Variants in TRAPPC12 observed in about 807,000 individuals in gnomAD.
The protein encoded by TRAPPC12 is trafficking protein particle complex subunit 12.
TRAPPC12 carries 61 observed loss-of-function variants against 69.2 expected under a neutral mutation model. That is an observed-to-expected ratio of 0.88 (90% confidence interval 0.72 to 1.09). TRAPPC12 has a LOEUF of 1.09. TRAPPC12 is among the 50% of genes least tolerant of loss of function. TRAPPC12 has a pLI of 0.00. For missense variants in TRAPPC12, 1,101 were observed against 1,016.4 expected (o/e 1.08, Z -1.13); for synonymous variants, 469 against 438.9 (o/e 1.07, Z -0.86).
intron 9 of TRAPPC12, among the ~76,000 whole-genome samples, chr2:3,475,200 C>T (rs1485062935): frequency 1.3e-5 from 2 of 152,174 alleles, no homozygotes; most frequent in African/African-American, 2.4e-5. Context: ...AAGAGATTCA[C>T]CTGCCTTAGC....
intron 3 of TRAPPC12, among the ~76,000 whole-genome samples, chr2:3,402,622 G>C (rs927274846): frequency 1.3e-5 from 2 of 152,196 alleles, no homozygotes; most frequent in African/African-American, 4.8e-5. Flanking sequence ...AAAAACATTA[G>C]TACTGGATCA....
rs182774744 is a variant in TRAPPC12 at position 3,479,118 on chromosome 2, C to G, written c.1966-101C>G. ...ACCTAGGCTCTGCCCAGCAGCTCTG[C>G]ACCACCCCCAGGCCCCTAACACGGC... On this transcript the variant is annotated intron_variant, in intron 11 of 11. Transcript: ENST00000324266. 1,656 of 1,551,706 alleles carry G rather than the reference C, an allele frequency of 1.1e-3. 30 individuals are homozygous for G. In the Admixed American group the frequency reaches 0.028, roughly 26 times the overall value.
chr2:3,383,527 TAGCA>T, intron 1 of TRAPPC12, among the ~76,000 whole-genome samples: 1 of 150,998 alleles, frequency 6.6e-6, no homozygotes, highest in South Asian at 2.1e-4. Context: ...GCCTCCCGAG[TAGCA>T]GAGTAGCTGG....
At chr2:3,385,642 G>A (rs1660454505) in intron 1 of TRAPPC12, among the ~76,000 whole-genome samples, 2 of 152,240 alleles carry the variant, frequency 1.3e-5, no homozygotes, top group South Asian at 2.1e-4. Flanking sequence ...AAATCTGTGA[G>A]ATTGAATCAG....
At chr2:3,386,248 G>GA (rs993035507) in intron 1 of TRAPPC12, among the ~76,000 whole-genome samples, 4 of 152,148 alleles carry the variant, frequency 2.6e-5, no homozygotes, top group South Asian at 2.1e-4. Flanking sequence ...GTTTTATTCT[G>GA]AAAAAAATCC....
chr2:3,451,097 G>A (rs1233579403), intron 6 of TRAPPC12, among the ~76,000 whole-genome samples: 1 of 152,220 alleles, frequency 6.6e-6, no homozygotes, highest in African/African-American at 2.4e-5. Flanking sequence ...GAGATCAAGT[G>A]GTAGTGGTTA....
chr2:3,428,796 G>GC (rs1166530304), intron 5 of TRAPPC12, among the ~76,000 whole-genome samples: 1 of 152,132 alleles, frequency 6.6e-6, no homozygotes, highest in Non-Finnish European at 1.5e-5. Context: ...GGCCGACCCA[G>GC]CCCCGCGCCC....
intron 2 of TRAPPC12, among the ~76,000 whole-genome samples, chr2:3,395,373 G>A (rs1051654442): frequency 4.6e-5 from 7 of 151,036 alleles, no homozygotes; most frequent in Admixed American, 2.0e-4. Flanking sequence ...TAAGAATTCT[G>A]TAAATATCCT....
At chr2:3,409,750 T>TAAAA (rs71396989) in intron 3 of TRAPPC12, among the ~76,000 whole-genome samples, 36 of 54,908 alleles carry the variant, frequency 6.6e-4, no homozygotes, top group East Asian at 1.8e-3. Flanking sequence ...ACTTTGTCTT[T>TAAAA]AAAAAAAAAA....
chr2:3,416,006 A>G (rs188444535), intron 3 of TRAPPC12, among the ~76,000 whole-genome samples: 26 of 152,154 alleles, frequency 1.7e-4, no homozygotes, highest in Admixed American at 7.2e-4. Context: ...GTGAGCCACC[A>G]CGCCTGGCCC....
chr2:3,386,554 A>G (rs1660502941), intron 1 of TRAPPC12, among the ~76,000 whole-genome samples: 1 of 152,212 alleles, frequency 6.6e-6, no homozygotes, highest in African/African-American at 2.4e-5. Context: ...AGCCAGGGGC[A>G]TAGTATGTGC....
Position 3,475,942 on chromosome 2 carries a change from C to G in TRAPPC12, c.1777-1753C>G, listed in dbSNP as rs550646015. 2.0e-5 allele frequency among the ~76,000 whole-genome samples: 3 copies of G among 152,200 alleles called. No individual in the cohort carries two copies. The East Asian group carries it at 5.8e-4, about 29-fold the overall frequency. On this transcript the variant is annotated intron_variant, in intron 9 of 11. Transcript: ENST00000324266. ...ATCGGTCTTGATGATGGGCTGTAAT[C>G]ATCTTCAGTTCAGTGTCTCACACGG...
At chr2:3,444,339 C>T (rs773680207) in intron 6 of TRAPPC12, among the ~76,000 whole-genome samples, 1 of 152,256 alleles carries the variant, frequency 6.6e-6, no homozygotes, top group East Asian at 1.9e-4. Flanking sequence ...GCAACTGTCA[C>T]TCATGATCCT....
Position 3,387,633 on chromosome 2 carries a change from G to A in TRAPPC12, c.10G>A (p.Ala4Thr). The A allele has an allele frequency of 3.9e-6, 6 of 1,541,624 alleles. No homozygotes were observed. The highest frequency in any genetic ancestry group is 5.3e-6 in the Non-Finnish European group (6 of 1,140,746). Residue 4 changes from alanine (A) to threonine (T), a missense_variant, in exon 2 of 12, where the codon GCT (alanine) becomes ACT (threonine). Physicochemically the swap from Ala to Thr is moderately conservative, Grantham distance 58 (BLOSUM62 0). Coordinates refer to ENST00000324266, the MANE Select transcript of TRAPPC12 (RefSeq NM_016030.6). Reference protein sequence around the residue: MEDAGGGEETPAPE... With the variant: MEDTGGGEETPAPE... The stretch of plus-strand genomic sequence containing the variant: ...CTTTGCTTTCAGGGTCATGGAGGAC[G>A]CTGGCGGCGGCGAGGAGACCCCGGC...
chr2:3,399,936 C>T (rs1156961306), intron 2 of TRAPPC12, among the ~76,000 whole-genome samples: 2 of 152,112 alleles, frequency 1.3e-5, no homozygotes, highest in Non-Finnish European at 2.9e-5. Flanking sequence ...TGCGTGCTCC[C>T]AGTGGCCCGC....
At chr2:3,435,736 AG>A (rs1262109250) in intron 5 of TRAPPC12, among the ~76,000 whole-genome samples, 1 of 152,194 alleles carries the variant, frequency 6.6e-6, no homozygotes, top group African/African-American at 2.4e-5. Flanking sequence ...ACCCCCATTT[AG>A]GTTTTAAACG....
intron 6 of TRAPPC12, among the ~76,000 whole-genome samples, chr2:3,448,576 C>T (rs924325618): frequency 8.3e-6 from 1 of 120,100 alleles, no homozygotes; most frequent in Non-Finnish European, 1.7e-5. Context: ...CTCCTCCTCC[C>T]GCAGGGCGTG....
At chr2:3,393,038 T>C (rs1055694311) in intron 2 of TRAPPC12, among the ~76,000 whole-genome samples, 1 of 152,084 alleles carries the variant, frequency 6.6e-6, no homozygotes, top group African/African-American at 2.4e-5. Flanking sequence ...TGAGCCATGG[T>C]GTTCAAAGCT....
intron 3 of TRAPPC12, 190 bp from the exon 4 acceptor site, chr2:3,421,691 C>G: frequency 1.4e-6 from 1 of 716,904 alleles, no homozygotes; most frequent in Non-Finnish European, 2.6e-6. Context: ...TGCCTAATTA[C>G]ACGTGCAGCG....
Sources: gnomAD v4.1 joint callset for allele counts (sites outside exome capture counted in the v4.1 genomes callset) on GRCh38, gnomAD v4.1.1 for gene constraint, MANE v1.5 for transcripts, NCBI Gene and HGNC (gene_info 2026-07-23, HGNC 2026-07-21) for gene names.